RPA1: variants seen among roughly 807,000 people sequenced by gnomAD.
RPA1 encodes replication protein A1.
Under a neutral mutation model 83.0 loss-of-function variants are expected in RPA1, and 49 were observed. That is an observed-to-expected ratio of 0.59 (90% CI 0.47 to 0.75). The LOEUF (loss-of-function observed/expected upper bound fraction) is 0.75, where lower values mean the gene tolerates loss of function less well. Among genes scored for constraint, RPA1 ranks in the 30% least tolerant of loss-of-function variants. The pLI is 0.00. For missense variants in RPA1, 693 were observed against 776.1 expected, an observed-to-expected ratio of 0.89 and a Z score of 1.27; for synonymous variants, 279 against 281.8, an observed-to-expected ratio of 0.99 and a Z score of 0.10.
intron 4 of RPA1, 118 bp downstream of exon 4, chr17:1,844,804 G>T: frequency 1.6e-6 from 1 of 640,802 alleles, no homozygotes; most frequent in East Asian, 2.9e-5. Flanking sequence ...TAAGAACTCA[G>T]GTAGCTAACA....
At chr17:1,891,988 A>C (rs772885962) in intron 15 of RPA1, 48 bp downstream of exon 15, 10 of 1,323,324 alleles carry the variant, frequency 7.6e-6, no homozygotes, top group Non-Finnish European at 1.1e-5. Flanking sequence ...AATGGTTCTC[A>C]TTCTATAACA....
At chr17:1,855,239 T>C (rs1365638673) in intron 5 of RPA1, among the ~76,000 whole-genome samples, 1 of 152,156 alleles carries the variant, frequency 6.6e-6, no homozygotes, top group African/African-American at 2.4e-5. Flanking sequence ...CTAGGCTCAC[T>C]GCAACCTCCG....
intron 5 of RPA1, among the ~76,000 whole-genome samples, 176 bp downstream of exon 5, chr17:1,853,365 A>G (rs1912572015): frequency 6.6e-6 from 1 of 152,188 alleles, no homozygotes; most frequent in African/African-American, 2.4e-5. Context: ...TGATGTATGA[A>G]GAAAGGGCAC....
chr17:1,849,828 T>C (rs1912415584), intron 4 of RPA1, among the ~76,000 whole-genome samples: 1 of 152,122 alleles, frequency 6.6e-6, no homozygotes, highest in Non-Finnish European at 1.5e-5. Context: ...GTAAATTCTT[T>C]CAAAGCTTTT....
chr17:1,847,184 A>T (rs1365455916), intron 4 of RPA1, among the ~76,000 whole-genome samples: 1 of 151,746 alleles, frequency 6.6e-6, no homozygotes, highest in African/African-American at 2.4e-5. Context: ...TATTTTGTTC[A>T]TGCTTAATGT....
At chr17:1,891,728 G>T (rs1345435915) in intron 14 of RPA1, 105 bp from the exon 15 acceptor site, 2 of 782,450 alleles carry the variant, frequency 2.6e-6, no homozygotes, top group African/African-American at 3.5e-5. Context: ...GCCCTCTCTG[G>T]AAATTATTTT....
chr17:1,847,151 G>T (rs1302585768), intron 4 of RPA1, among the ~76,000 whole-genome samples: 1 of 151,956 alleles, frequency 6.6e-6, no homozygotes, highest in Non-Finnish European at 1.5e-5. Context: ...GTATTGTATT[G>T]TTGCTTTGTC....
intron 16 of RPA1, among the ~76,000 whole-genome samples, chr17:1,896,076 CCCTA>C (rs138178729): frequency 3.2e-4 from 48 of 152,288 alleles, no homozygotes; most frequent in African/African-American, 1.1e-3. Context: ...AGCCTAGTAA[CCCTA>C]TATGTAGAAA....
chr17:1,880,322 A>G (rs1913741290), intron 11 of RPA1, among the ~76,000 whole-genome samples: 1 of 152,172 alleles, frequency 6.6e-6, no homozygotes, highest in South Asian at 2.1e-4. Flanking sequence ...CTGTGATTCA[A>G]GCTTTACGCG....
chr17:1,883,889 C>G lies in RPA1; in HGVS notation c.1319C>G (p.Thr440Ser), dbSNP rs761305995. The change falls in exon 13 of 17, where the codon ACC becomes AGC. Residue 440 changes from threonine (T) to serine (S), a missense_variant. Transcript: ENST00000254719. ...AGCGGCGGAGTCGGAGGGAGTAACA[C>G]CAACTGGAAAACCTTGTATGAGGTC... ...LKSGGVGGSN[T>S]NWKTLYEVKS... 1.2e-6 allele frequency: 2 copies of G among 1,614,134 alleles called. No individual in the cohort carries two copies. Among genetic ancestry groups the G allele is most frequent in the East Asian group, 4.5e-5 (2 of 44,886 alleles).
intron 1 of RPA1, among the ~76,000 whole-genome samples, chr17:1,839,136 G>T (rs577798991): frequency 6.6e-6 from 1 of 152,118 alleles, no homozygotes; most frequent in African/African-American, 2.4e-5. Flanking sequence ...GATTACAGGC[G>T]TGAGCCACTG....
At chr17:1,881,090 C>T (rs1465023831) in intron 12 of RPA1, among the ~76,000 whole-genome samples, 1 of 152,176 alleles carries the variant, frequency 6.6e-6, no homozygotes, top group Non-Finnish European at 1.5e-5. Context: ...ATCACATCTT[C>T]TAGTGTGTAT....
At chr17:1,864,030 C>T (rs1018110186) in intron 5 of RPA1, among the ~76,000 whole-genome samples, 7 of 152,180 alleles carry the variant, frequency 4.6e-5, no homozygotes, top group Non-Finnish European at 7.3e-5. Context: ...TTAAGCTGGT[C>T]AGCATCAAGA....
intron 5 of RPA1, among the ~76,000 whole-genome samples, chr17:1,863,292 AC>A (rs1178564574): frequency 1.3e-5 from 2 of 149,656 alleles, no homozygotes; most frequent in East Asian, 4.0e-4. Flanking sequence ...GCTCACTGCA[AC>A]CTCCACCTCC....
rs555453300 is a variant in RPA1, at chr17:1,883,488, G to T, written c.1242-324G>T. On this transcript the variant is annotated intron_variant, in intron 12 of 16. Transcript: ENST00000254719. ...AAAAAAATTTTTTTAATGGGCCTGG[G>T]CATGGAAGTCCCAGTTACTTAGCAG... Among the ~76,000 whole-genome samples the T allele has an allele frequency of 3.3e-5, 5 of 152,180 alleles. No homozygotes were observed. The South Asian group carries it at 1.0e-3, about 32-fold the overall frequency.
rs1912574072 is a variant in RPA1, at chr17:1,853,412, GT to G, written c.361+224del. 2.0e-5 allele frequency among the ~76,000 whole-genome samples: 3 copies of G among 152,318 alleles called. No homozygotes were observed. The South Asian group carries it at 6.2e-4, about 32-fold the overall frequency. ...AATGGACAAACGGGTTGGGTGCACGGTGGCTCACACCTGTAATCCCAGCACT... is the reference window on the plus strand; with the variant it reads ...AATGGACAAACGGGTTGGGTGCACGGGGCTCACACCTGTAATCCCAGCACT... On this transcript the variant is annotated intron_variant, in intron 5 of 16. Transcript: ENST00000254719.
At chr17:1,842,933 A>ATCTGTCTGTCCTT in intron 2 of RPA1, 80 bp downstream of exon 2, 4 of 1,476,740 alleles carry the variant, frequency 2.7e-6, no homozygotes, top group Non-Finnish European at 3.8e-6. Flanking sequence ...TGAAGGACAG[A>ATCTGTCTGTCCTT]CAGATTTGTC....
chr17:1,893,998 C>G (rs1914295710), intron 15 of RPA1, among the ~76,000 whole-genome samples: 1 of 150,072 alleles, frequency 6.7e-6, no homozygotes, highest in South Asian at 2.1e-4. Flanking sequence ...GTAGCTGGGA[C>G]TACTGGTACA....
intron 5 of RPA1, among the ~76,000 whole-genome samples, chr17:1,862,058 T>C (rs1406922310): frequency 1.4e-5 from 2 of 147,922 alleles, no homozygotes; most frequent in Admixed American, 6.6e-5. Context: ...GCCCGGGTGA[T>C]TTTTTTTGTA....
Sources: allele counts gnomAD v4.1 joint callset (sites outside exome capture counted in the v4.1 genomes callset), GRCh38; gene constraint gnomAD v4.1.1; transcripts MANE v1.5; gene names NCBI Gene and HGNC (gene_info 2026-07-23, HGNC 2026-07-21).